AKT3: variants seen among roughly 807,000 people sequenced by gnomAD.
AKT3 encodes RAC-gamma serine/threonine-protein kinase.
AKT3 carries 15 observed loss-of-function variants against 65.3 expected under a neutral mutation model. The ratio of observed to expected loss-of-function variants is 0.23; its 90% CI spans 0.15 to 0.35. The LOEUF (loss-of-function observed/expected upper bound fraction) is 0.35, where lower values mean the gene tolerates loss of function less well. AKT3 is among the 10% of genes least tolerant of loss of function. The probability of loss-of-function intolerance (pLI) is 1.00; values close to 1 mark genes in which losing one functional copy is unlikely to be tolerated. For missense variants in AKT3, 243 were observed against 576.5 expected (o/e 0.42, Z 5.92); for synonymous variants, 206 against 183.8 (o/e 1.12, Z -0.98).
intron 12 of AKT3, among the ~76,000 whole-genome samples, chr1:243,533,304 G>A (rs1026855707): frequency 6.6e-6 from 1 of 152,148 alleles, no homozygotes; most frequent in African/African-American, 2.4e-5. Flanking sequence ...AATAGTCAAC[G>A]CCATAATTAT....
chr1:243,625,089 G>T, intron 6 of AKT3: 1 of 239,124 alleles, frequency 4.2e-6, no homozygotes. Context: ...AGACAGAAGT[G>T]AGGAGCTGCT....
chr1:243,634,879 A>G (rs1176380363), intron 6 of AKT3, among the ~76,000 whole-genome samples: 2 of 152,006 alleles, frequency 1.3e-5, no homozygotes, highest in East Asian at 1.9e-4. Context: ...TACACTCTCA[A>G]TGATGAATAC....
chr1:243,646,207 G>C lies in AKT3; in HGVS notation c.285-170C>G, dbSNP rs535365525. ...CACCCCAAAGTGAAAATAATCCTAA[G>C]AGCATTTCATTCACCACATGCCTAA... On this transcript the variant is annotated intron_variant, in intron 4 of 13. Coordinates refer to ENST00000673466, the MANE Select transcript of AKT3 (RefSeq NM_005465.7). Among the ~76,000 whole-genome samples, 3 of 152,148 alleles carry C rather than the reference G, an allele frequency of 2.0e-5. No homozygotes were observed. The East Asian group carries it at 5.8e-4, about 29-fold the overall frequency.
chr1:243,571,696 A>T (rs915468304), intron 9 of AKT3, among the ~76,000 whole-genome samples: 1 of 152,246 alleles, frequency 6.6e-6, no homozygotes, highest in African/African-American at 2.4e-5. Flanking sequence ...AAAGAAATTG[A>T]TATTTAAGAC....
At chr1:243,707,580 G>GA (rs1252470729) in intron 2 of AKT3, among the ~76,000 whole-genome samples, 5 of 151,734 alleles carry the variant, frequency 3.3e-5, no homozygotes, top group African/African-American at 1.2e-4. Flanking sequence ...CATACAAAAA[G>GA]AAAAAAGGAC....
chr1:243,674,550 A>G (rs566964746), intron 3 of AKT3, among the ~76,000 whole-genome samples: 1 of 152,360 alleles, frequency 6.6e-6, no homozygotes, highest in South Asian at 2.1e-4. Flanking sequence ...CGTAGAAACG[A>G]TCAGAGAATT....
At chr1:243,632,560 G>A (rs1008023683) in intron 6 of AKT3, among the ~76,000 whole-genome samples, 3 of 152,190 alleles carry the variant, frequency 2.0e-5, no homozygotes, top group Non-Finnish European at 4.4e-5. Context: ...TGGTAAAGGA[G>A]CAATGGCTTC....
intron 2 of AKT3, among the ~76,000 whole-genome samples, chr1:243,709,531 A>G (rs953491201): frequency 6.6e-6 from 1 of 151,934 alleles, no homozygotes; most frequent in African/African-American, 2.4e-5. Context: ...AATAAATTAG[A>G]TTTTTAAAAT....
At chr1:243,840,714 ATT>A (rs35797982) in intron 2 of AKT3, among the ~76,000 whole-genome samples, 2 of 149,420 alleles carry the variant, frequency 1.3e-5, no homozygotes, top group African/African-American at 4.9e-5. Context: ...AGAAAAGCTA[ATT>A]TTTTTTTTTT....
chr1:243,636,398 G>T (rs1679974838), intron 6 of AKT3, among the ~76,000 whole-genome samples: 1 of 151,942 alleles, frequency 6.6e-6, no homozygotes, highest in African/African-American at 2.4e-5. Flanking sequence ...GGCATAAAAA[G>T]TTGGATCACT....
intron 8 of AKT3, among the ~76,000 whole-genome samples, chr1:243,581,716 C>T (rs1272618759): frequency 6.6e-6 from 1 of 151,940 alleles, no homozygotes; most frequent in African/African-American, 2.4e-5. Flanking sequence ...CAAAGGATCA[C>T]ACTAGCTCTA....
At chr1:243,580,438 G>C (rs1198624759) in intron 8 of AKT3, among the ~76,000 whole-genome samples, 1 of 152,182 alleles carries the variant, frequency 6.6e-6, no homozygotes, top group African/African-American at 2.4e-5. Flanking sequence ...AAAAGAGCAG[G>C]ACAATGTTTT....
intron 2 of AKT3, among the ~76,000 whole-genome samples, chr1:243,728,767 A>G (rs1018981710): frequency 1.3e-5 from 2 of 152,246 alleles, no homozygotes; most frequent in African/African-American, 2.4e-5. Flanking sequence ...ACTCATTTGC[A>G]GTCTATGGAC....
chr1:243,789,467 A>G (rs1444180545), intron 2 of AKT3, among the ~76,000 whole-genome samples: 1 of 152,246 alleles, frequency 6.6e-6, no homozygotes, highest in Non-Finnish European at 1.5e-5. Flanking sequence ...GCAACAATTC[A>G]GTTCCATCTT....
intron 6 of AKT3, among the ~76,000 whole-genome samples, chr1:243,633,629 T>C (rs1679766492): frequency 6.6e-6 from 1 of 151,926 alleles, no homozygotes; most frequent in Non-Finnish European, 1.5e-5. Context: ...AAAATAGCTA[T>C]AGAATATACA....
chr1:243,500,560 TTAAAG>T lies in AKT3; in HGVS notation c.*4684_*4688del, dbSNP rs527249482. The T allele has an allele frequency of 1.6e-4, 36 of 227,966 alleles. No individual in the cohort carries two copies. The highest frequency in any genetic ancestry group is 3.0e-4 in the Non-Finnish European group (35 of 114,912). 14.1% of individuals were successfully genotyped at this position (227,966 alleles called of 1,614,324 possible). ...ATACACAATTAAGCCCTCAAATGCT[TTAAAG>T]TAATAAAAACGGACACTGGACATAC... On this transcript the variant is annotated 3_prime_UTR_variant, in exon 14 of 14. Coordinates refer to ENST00000673466, the MANE Select transcript of AKT3 (RefSeq NM_005465.7).
intron 2 of AKT3, among the ~76,000 whole-genome samples, chr1:243,751,560 G>A (rs1688814721): frequency 6.6e-6 from 1 of 152,170 alleles, no homozygotes; most frequent in Admixed American, 6.5e-5. Flanking sequence ...GAGAGAGTCA[G>A]ACAGGATATT....
chr1:243,744,630 TTGGGAGG>T (rs1303577539), intron 2 of AKT3, among the ~76,000 whole-genome samples: 1 of 149,886 alleles, frequency 6.7e-6, no homozygotes, highest in Non-Finnish European at 1.5e-5. Context: ...TCCCAGCTAC[TTGGGAGG>T]CTGAGGCAGG....
At chr1:243,596,603 G>T (rs1380988641) in intron 8 of AKT3, among the ~76,000 whole-genome samples, 1 of 152,180 alleles carries the variant, frequency 6.6e-6, no homozygotes, top group Non-Finnish European at 1.5e-5. Context: ...TGGTGAGGGT[G>T]CAGAACACCT....
Sources: gnomAD v4.1 joint callset for allele counts (sites outside exome capture counted in the v4.1 genomes callset) on GRCh38, gnomAD v4.1.1 for gene constraint, MANE v1.5 for transcripts, NCBI Gene and HGNC (gene_info 2026-07-23, HGNC 2026-07-21) for gene names.